Variants in ZNF638 observed in about 807,000 individuals in gnomAD.
The protein encoded by ZNF638 is zinc finger protein 638, also known as CTCL tumor antigen se33-1.
In ZNF638, 46 loss-of-function variants were observed where a neutral mutation model predicts 195.6. That is an observed-to-expected ratio of 0.24 (90% confidence interval 0.19 to 0.30). ZNF638 has a LOEUF of 0.30. Ranked by LOEUF, ZNF638 falls within the 10% of genes least tolerant of loss-of-function variation. The probability of loss-of-function intolerance (pLI) is 1.00; values close to 1 mark genes in which losing one functional copy is unlikely to be tolerated. For synonymous variants in ZNF638, 845 were observed against 772.0 expected, an observed-to-expected ratio of 1.09 and a Z score of -1.57; for missense variants, 2,440 against 2,325.3, an observed-to-expected ratio of 1.05 and a Z score of -1.01.
rs754573348 is a variant in ZNF638, at chr2:71,426,596, A to T, written c.4727A>T (p.Glu1576Val). ...KETLKNVPFS[E>V]LNLKKKKGKT... ...ACTCTCAAAAATGTTCCTTTCTCTGAACTTAACTTAAAGAAGAAAAAGGGG... is the reference window on the plus strand; with the variant it reads ...ACTCTCAAAAATGTTCCTTTCTCTGTACTTAACTTAAAGAAGAAAAAGGGG... The change falls in exon 24 of 28, where the codon GAA (glutamate) becomes GTA (valine). Residue 1576 changes from glutamate to valine, a missense_variant. Glu to Val is a moderately radical substitution (Grantham distance 121). Around this residue, in one of 5 missense-constraint regions of ZNF638, gnomAD observed 1,883 missense variants for 1,739.1 expected, o/e 1.08. Coordinates refer to ENST00000264447, the MANE Select transcript of ZNF638 (RefSeq NM_014497.5). The T allele has an allele frequency of 7.4e-6, 12 of 1,614,078 alleles. No homozygotes were observed. Among genetic ancestry groups the T allele is most frequent in the Non-Finnish European group, 1.0e-5 (12 of 1,180,024 alleles).
chr2:71,349,262 G>A lies in ZNF638; in HGVS notation c.308G>A (p.Arg103Gln), dbSNP rs145739027. Residue 103 changes from arginine (R) to glutamine (Q), a missense_variant, in exon 2 of 28, where the codon CGG becomes CAG. Coordinates refer to ENST00000264447, the MANE Select transcript of ZNF638 (RefSeq NM_014497.5). The part of the protein sequence containing the change: ...QQKKGKPHGS[R>Q]WDDEPHISAS... The stretch of plus-strand genomic sequence containing the variant: ...AAGAAGGGGAAGCCTCATGGTAGCC[G>A]GTGGGATGATGAGCCTCATATATCT... 11 of 1,614,024 alleles carry A rather than the reference G, an allele frequency of 6.8e-6. No individual in the cohort carries two copies. Among genetic ancestry groups the A allele is most frequent in the East Asian group, 6.7e-5 (3 of 44,884 alleles).
At chr2:71,337,924 T>A (rs1001861370) in intron 1 of ZNF638, among the ~76,000 whole-genome samples, 1 of 152,218 alleles carries the variant, frequency 6.6e-6, no homozygotes, top group Non-Finnish European at 1.5e-5. Context: ...ACAATCTGCT[T>A]TGCTTTTCTC....
At chr2:71,337,657 C>T (rs757208718) in intron 1 of ZNF638, among the ~76,000 whole-genome samples, 3 of 152,172 alleles carry the variant, frequency 2.0e-5, no homozygotes, top group East Asian at 1.9e-4. Context: ...CCACCTGTCT[C>T]GGCCTCCCAA....
chr2:71,402,970 T>G (rs916089524), intron 16 of ZNF638, among the ~76,000 whole-genome samples: 4 of 152,096 alleles, frequency 2.6e-5, no homozygotes, highest in Non-Finnish European at 5.9e-5. Context: ...ATGTTAAAAG[T>G]AGATTATTTG....
intron 1 of ZNF638, among the ~76,000 whole-genome samples, chr2:71,335,258 C>T (rs1009359966): frequency 6.6e-6 from 1 of 152,138 alleles, no homozygotes; most frequent in Non-Finnish European, 1.5e-5. Context: ...CCAGGCTGGT[C>T]TCAAACTCCT....
chr2:71,365,772 A>C, intron 6 of ZNF638, 66 bp downstream of exon 6: 1 of 1,428,162 alleles, frequency 7.0e-7, no homozygotes, highest in Non-Finnish European at 9.4e-7. Flanking sequence ...GCTGGACTGC[A>C]GTGGTGCAAC....
chr2:71,433,328 CT>C, intron 27 of ZNF638, 45 bp downstream of exon 27: 1 of 1,357,798 alleles, frequency 7.4e-7, no homozygotes, highest in Non-Finnish European at 1.1e-6. Flanking sequence ...TTGTTATTGT[CT>C]TAGAATCAAA....
At chr2:71,434,068 A>G (rs773883362) in intron 27 of ZNF638, among the ~76,000 whole-genome samples, 5 of 152,124 alleles carry the variant, frequency 3.3e-5, no homozygotes, top group Non-Finnish European at 7.4e-5. Context: ...TCACTTTTCC[A>G]TTTAAAACCT....
At chr2:71,408,872 A>T (rs1317955322) in intron 20 of ZNF638, 1 of 217,158 alleles carries the variant, frequency 4.6e-6, no homozygotes, top group Non-Finnish European at 1.0e-5. Flanking sequence ...TCATCATCTA[A>T]ATCTAAATTA....
At chr2:71,385,392 T>C (rs2079616331) in intron 10 of ZNF638, among the ~76,000 whole-genome samples, 1 of 152,222 alleles carries the variant, frequency 6.6e-6, no homozygotes, top group Non-Finnish European at 1.5e-5. Context: ...CCAAATGTTC[T>C]TCAGTGGATG....
intron 10 of ZNF638, among the ~76,000 whole-genome samples, chr2:71,391,510 C>G (rs758392965): frequency 1.3e-5 from 2 of 152,154 alleles, no homozygotes; most frequent in Non-Finnish European, 2.9e-5. Context: ...TGATATTTTA[C>G]TAGCAGACCC....
intron 25 of ZNF638, chr2:71,428,867 G>A: frequency 2.6e-6 from 1 of 378,106 alleles, no homozygotes; most frequent in Non-Finnish European, 4.8e-6. Context: ...TAGAGGAAAT[G>A]ATCCTCGAAA....
At chr2:71,369,288 A>C (rs1214849264) in intron 7 of ZNF638, among the ~76,000 whole-genome samples, 1 of 146,130 alleles carries the variant, frequency 6.8e-6, no homozygotes, top group Non-Finnish European at 1.5e-5. Context: ...GCGCCGCTGC[A>C]CTCTAGCCTG....
intron 10 of ZNF638, among the ~76,000 whole-genome samples, chr2:71,386,109 C>T (rs1397970373): frequency 6.6e-6 from 1 of 151,600 alleles, no homozygotes; most frequent in Non-Finnish European, 1.5e-5. Context: ...GAAATCTTAG[C>T]ATGGGCATCA....
At position 71,391,869 on chromosome 2, in the gene ZNF638, G is replaced by A. The variant is rs1469701833; in HGVS notation, c.2378-4272G>A. Among the ~76,000 whole-genome samples, 36 of 152,118 alleles carry A rather than the reference G, an allele frequency of 2.4e-4. 2 individuals carry two copies. The highest frequency in any genetic ancestry group is 1.6e-4 in the Non-Finnish European group (11 of 68,024). ...AGGAAATAGACCAAGTTATTTCTCA[G>A]AGACAACTAGATAGCATAGATCCAC... On this transcript the variant is annotated intron_variant, in intron 10 of 27. Coordinates refer to ENST00000264447, the MANE Select transcript of ZNF638 (RefSeq NM_014497.5).
At chr2:71,360,204 G>A (rs2542503) in intron 3 of ZNF638, among the ~76,000 whole-genome samples, 136,966 of 152,250 alleles carry the variant, frequency 0.9, 61,693 homozygotes, top group Admixed American at 0.92. Context: ...AAACATTTAT[G>A]TGTTCTTCAT....
At chr2:71,390,679 T>A (rs1222158267) in intron 10 of ZNF638, among the ~76,000 whole-genome samples, 1 of 152,170 alleles carries the variant, frequency 6.6e-6, no homozygotes, top group Non-Finnish European at 1.5e-5. Flanking sequence ...GACCCATGAT[T>A]ACCTTAAAAA....
In ZNF638 at chr2:71,406,155, T is replaced by C. The variant is rs202110046; in HGVS notation, c.3028T>C (p.Phe1010Leu). ...EANIDTIYDR[F>L]VHLDNLPEDG... ...AAACATAGATACAATTTATGATCGATTTGTACATCTTGATAATTTACCGGA... is the reference window on the plus strand; with the variant it reads ...AAACATAGATACAATTTATGATCGACTTGTACATCTTGATAATTTACCGGA... The change falls in exon 19 of 28, where the codon TTT becomes CTT. Residue 1010 changes from phenylalanine (F) to leucine (L), a missense_variant. Physicochemically the swap from Phe to Leu is conservative, Grantham distance 22. This residue lies in a region of ZNF638 where 1,883 missense variants were observed against 1,739.1 expected (regional missense o/e 1.08). Coordinates refer to ENST00000264447, the MANE Select transcript of ZNF638 (RefSeq NM_014497.5). The C allele has an allele frequency of 5.0e-6, 8 of 1,613,782 alleles. No individual in the cohort carries two copies. The Middle Eastern group carries it at 5.0e-4, about 100-fold the overall frequency.
chr2:71,397,049 A>T (rs2079907826), intron 11 of ZNF638, among the ~76,000 whole-genome samples: 2 of 152,216 alleles, frequency 1.3e-5, no homozygotes, highest in South Asian at 4.1e-4. Context: ...CAGAATTTTC[A>T]TATAGTAGTT....
Sources: allele counts gnomAD v4.1 joint callset (sites outside exome capture counted in the v4.1 genomes callset), GRCh38; gene constraint gnomAD v4.1.1; regional missense constraint gnomAD v4.1.1; transcripts MANE v1.5; gene names NCBI Gene and HGNC (gene_info 2026-07-23, HGNC 2026-07-21).